Variants in GSTM3 observed in about 807,000 individuals in gnomAD.
The protein encoded by GSTM3 is glutathione S-transferase mu 3, also known as GST class-mu 3.
In GSTM3, 34 loss-of-function variants were observed where a neutral mutation model predicts 36.1. That is an observed-to-expected ratio of 0.94 (90% CI 0.72 to 1.25). GSTM3 has a LOEUF of 1.25. GSTM3 is among the 50% of genes most tolerant of loss of function. The probability of loss-of-function intolerance (pLI) is 0.00; values close to 1 mark genes in which losing one functional copy is unlikely to be tolerated. For missense variants in GSTM3, 266 were observed against 281.6 expected (o/e 0.94, Z 0.40); for synonymous variants, 102 against 99.5 (o/e 1.03, Z -0.15).
rs1000122012 is a variant in GSTM3, at chr1:109,740,224, T to C, written c.48+16A>G. ...TCTCTTTGACCGAGCGGCTCTACCG[T>C]TGAGACGGCACTCACCCCACGAATA... On this transcript the variant is annotated intron_variant, in intron 2 of 8. Transcript: ENST00000361066. 6 of 1,611,044 alleles carry C rather than the reference T, an allele frequency of 3.7e-6. No individual in the cohort carries two copies. Among genetic ancestry groups the C allele is most frequent in the Non-Finnish European group, 5.1e-6 (6 of 1,177,564 alleles).
chr1:109,737,719 T>C lies in GSTM3; in HGVS notation c.405A>G (p.Leu135=). The C allele has an allele frequency of 1.9e-6, 3 of 1,608,378 alleles. No homozygotes were observed. Among genetic ancestry groups the C allele is most frequent in the Non-Finnish European group, 2.5e-6 (3 of 1,176,858 alleles). The change falls in exon 7 of 9, where the codon CTA becomes CTG. Residue 135 remains leucine (L), a synonymous_variant. Transcript: ENST00000361066. ...EKLKPQYLEE[L]PGQLKQFSMF... is the part of the protein sequence containing the mutation. ...TGGAGAATTGTTTCAGTTGTCCAGG[T>C]AGCTCTTCCAAGTACTGAGGCTTCA...
chr1:109,737,745 G>T lies in GSTM3; in HGVS notation c.379C>A (p.Leu127Met), dbSNP rs758016765. The T allele has an allele frequency of 6.3e-7, 1 of 1,578,070 alleles. No individual in the cohort carries two copies. The highest frequency in any genetic ancestry group is 8.7e-7 in the Non-Finnish European group (1 of 1,156,028). Residue 127 changes from leucine to methionine, a missense_variant, in exon 7 of 9, where the codon CTG (leucine) becomes ATG (methionine). Transcript: ENST00000361066. ...AGCTCTTCCAAGTACTGAGGCTTCA[G>T]TTTTTCCTGAGAGGAAAAAACAGAA... ...RLCYSSDHEK[L>M]KPQYLEELPG...
At chr1:109,740,062 G>A in intron 2 of GSTM3, 154 bp from the exon 3 acceptor site, 3 of 873,490 alleles carry the variant, frequency 3.4e-6, no homozygotes, top group Non-Finnish European at 3.6e-6. Context: ...GGTCTCCTCC[G>A]CCCCTCCCCA....
In GSTM3 at chr1:109,738,066, G is replaced by T. The variant is rs149592030; in HGVS notation, c.372+25C>A. On this transcript the variant is annotated intron_variant, in intron 6 of 8. Coordinates refer to ENST00000361066, the MANE Select transcript of GSTM3 (RefSeq NM_000849.5). ...ACCCCTTTTTCTGATACTCCATTCAGCAGATGTGTGCTAAGGAAACTCACG... is the reference window on the plus strand; with the variant it reads ...ACCCCTTTTTCTGATACTCCATTCATCAGATGTGTGCTAAGGAAACTCACG... 6.0e-5 allele frequency: 88 copies of T among 1,458,078 alleles called. No homozygotes were observed. In the African/African-American group the frequency reaches 1.1e-3, roughly 19 times the overall value. 90.3% of individuals were successfully genotyped at this position (1,458,078 alleles called of 1,614,324 possible).
At position 109,740,269 on chromosome 1, in the gene GSTM3, T is replaced by C. The variant is rs67174253; in HGVS notation, c.19A>G (p.Met7Val). MSCESSMVLGYWDIRGL... is the reference protein window; with the variant it reads MSCESSVVLGYWDIRGL... ...CGAATATCCCAGTACCCGAGAACCA[T>C]AGACGACTCGCACGACATGGTGACG... is the stretch of plus-strand genomic sequence containing the variant. The change falls in exon 2 of 9, where the codon ATG becomes GTG. Residue 7 changes from methionine (M) to valine (V), a missense_variant. Transcript: ENST00000361066. The C allele has an allele frequency of 6.8e-5, 110 of 1,613,584 alleles. No homozygotes were observed. The African/African-American group carries it at 7.9e-4, about 12-fold the overall frequency.
In GSTM3 at chr1:109,737,764, A is replaced by T; in HGVS notation, c.373-13T>A. 1 of 1,475,584 alleles carries T rather than the reference A, an allele frequency of 6.8e-7. No individual in the cohort carries two copies. Among genetic ancestry groups the T allele is most frequent in the Non-Finnish European group, 9.4e-7 (1 of 1,064,484 alleles). The allele number at this position is 1,475,584 out of a possible 1,614,324, so 91.4% of individuals were successfully genotyped here. ...GCTTCAGTTTTTCCTGAGAGGAAAAAACAGAATGAGAATAGTGGTGATCAT... is the reference window on the plus strand; with the variant it reads ...GCTTCAGTTTTTCCTGAGAGGAAAATACAGAATGAGAATAGTGGTGATCAT... On this transcript the variant is annotated splice_polypyrimidine_tract_variant and intron_variant, in intron 6 of 8. Transcript: ENST00000361066.
rs1446885817 is a variant in GSTM3 at position 109,736,829 on chromosome 1, T to C, written c.*242A>G. On this transcript the variant is annotated 3_prime_UTR_variant, in exon 9 of 9. Coordinates refer to ENST00000361066, the MANE Select transcript of GSTM3 (RefSeq NM_000849.5). ...TTTTCTAGTACCCACTCTCAGGGCT[T>C]GGGCATGAACCTACAGCCCTTGAAC... 6.5e-6 allele frequency: 3 copies of C among 463,964 alleles called. No individual in the cohort carries two copies. Among genetic ancestry groups the C allele is most frequent in the Non-Finnish European group, 1.2e-5 (3 of 257,976 alleles). 28.7% of individuals were successfully genotyped at this position (463,964 alleles called of 1,614,324 possible).
intron 2 of GSTM3, 124 bp from the exon 3 acceptor site, chr1:109,740,032 C>T: frequency 2.1e-6 from 2 of 933,578 alleles, no homozygotes; most frequent in Non-Finnish European, 3.3e-6. Context: ...TTAAGCGGCC[C>T]CTAGGCCCGG....
rs1276223026 is a variant in GSTM3 at position 109,736,295 on chromosome 1, CATTT to C, written c.*772_*775del. The C allele has an allele frequency of 2.2e-4, 33 of 152,156 alleles. No homozygotes were observed. Among genetic ancestry groups the C allele is most frequent in the African/African-American group, 7.7e-4 (32 of 41,506 alleles). The allele number at this position is 152,156 out of a possible 1,614,324, so 9.4% of individuals were successfully genotyped here. A position where few individuals can be genotyped will look rare whatever the true frequency, so the allele number is the denominator to read the frequency against. On this transcript the variant is annotated 3_prime_UTR_variant, in exon 9 of 9. Transcript: ENST00000361066. ...TACTAGTGCTTTTTGTCTCACTTGTCATTTATTTGTGGGTGCCTTAGGAAAAGTT... is the reference window on the plus strand; with the variant it reads ...TACTAGTGCTTTTTGTCTCACTTGTCATTTGTGGGTGCCTTAGGAAAAGTT...
At chr1:109,738,244 A>ACT in intron 5 of GSTM3, 41 bp downstream of exon 5, 1 of 1,601,498 alleles carries the variant, frequency 6.2e-7, no homozygotes, top group Non-Finnish European at 8.6e-7. Context: ...TCTCAGACAA[A>ACT]CTACCAGCCT....
intron 2 of GSTM3, 88 bp from the exon 3 acceptor site, chr1:109,739,996 G>T: frequency 8.9e-7 from 1 of 1,121,020 alleles, no homozygotes; most frequent in Non-Finnish European, 1.3e-6. Context: ...GGGCTGCCGA[G>T]TCCCTGCGTC....
chr1:109,738,070 A>G (rs950688511), intron 6 of GSTM3, 21 bp downstream of exon 6: 4 of 1,495,664 alleles, frequency 2.7e-6, no homozygotes, highest in Non-Finnish European at 3.7e-6. Context: ...CATTCAGCAG[A>G]TGTGTGCTAA....
rs1209442187 is a variant in GSTM3, at chr1:109,735,483, G to C, written c.*1588C>G. On this transcript the variant is annotated 3_prime_UTR_variant, in exon 9 of 9. Coordinates refer to ENST00000361066, the MANE Select transcript of GSTM3 (RefSeq NM_000849.5). Reference sequence around the variant, plus strand: ...AGCAACCACACCTGGCCTGTTTTGGGGATCTTTGCATGTTAGTTCACACAG... The same window carrying C: ...AGCAACCACACCTGGCCTGTTTTGGCGATCTTTGCATGTTAGTTCACACAG... 6.6e-6 allele frequency: 1 copy of C among 152,024 alleles called. No individual in the cohort carries two copies. The highest frequency in any genetic ancestry group is 1.5e-5 in the Non-Finnish European group (1 of 68,054). 9.4% of individuals were successfully genotyped at this position (152,024 alleles called of 1,614,324 possible). A position where few individuals can be genotyped will look rare whatever the true frequency, so the allele number is the denominator to read the frequency against.
In GSTM3 at chr1:109,739,497, T is replaced by C. The variant is rs1483574347; in HGVS notation, c.125-4A>G. 6.2e-7 allele frequency: 1 copy of C among 1,610,522 alleles called. No homozygotes were observed. Reference sequence around the variant, plus strand: ...TGGCTTCGATCATAGTCAGGAGCTGTAAGAGACGGAATTAAGTGGGACCCA... The same window carrying C: ...TGGCTTCGATCATAGTCAGGAGCTGCAAGAGACGGAATTAAGTGGGACCCA... On this transcript the variant is annotated splice_polypyrimidine_tract_variant and splice_region_variant and intron_variant, in intron 3 of 8. Coordinates refer to ENST00000361066, the MANE Select transcript of GSTM3 (RefSeq NM_000849.5).
rs1205450943 is a variant in GSTM3 at position 109,736,564 on chromosome 1, G to C, written c.*507C>G. 3 of 152,238 alleles carry C rather than the reference G, an allele frequency of 2.0e-5. No individual in the cohort carries two copies. Among genetic ancestry groups the C allele is most frequent in the Non-Finnish European group, 4.4e-5 (3 of 68,098 alleles). 9.4% of individuals were successfully genotyped at this position (152,238 alleles called of 1,614,324 possible). On this transcript the variant is annotated 3_prime_UTR_variant, in exon 9 of 9. Transcript: ENST00000361066. ...AATTCCAGATTAATTTTAGTGAATAGTGTCAAGTGGGGCTCTATTATTTTT... is the reference window on the plus strand; with the variant it reads ...AATTCCAGATTAATTTTAGTGAATACTGTCAAGTGGGGCTCTATTATTTTT...
At chr1:109,737,256 G>A (rs981695507) in intron 8 of GSTM3, 87 bp from the exon 9 acceptor site, 6 of 957,892 alleles carry the variant, frequency 6.3e-6, no homozygotes, top group Non-Finnish European at 1.0e-5. Context: ...CGTGTTGCCT[G>A]CGTCTACCTC....
intron 1 of GSTM3, among the ~76,000 whole-genome samples, 186 bp downstream of exon 1, chr1:109,740,767 C>T (rs1221577735): frequency 1.3e-5 from 2 of 152,216 alleles, no homozygotes. Flanking sequence ...AGATTCCCCA[C>T]AGACCAAGCT....
intron 4 of GSTM3, among the ~76,000 whole-genome samples, chr1:109,739,125 C>T (rs761423898): frequency 1.1e-4 from 16 of 152,034 alleles, no homozygotes; most frequent in Non-Finnish European, 2.1e-4. Flanking sequence ...TGTCTCAAAA[C>T]AAAAGAACAA....
chr1:109,740,106 C>T, intron 2 of GSTM3, 134 bp downstream of exon 2: 3 of 942,872 alleles, frequency 3.2e-6, no homozygotes, highest in Non-Finnish European at 5.0e-6. Flanking sequence ...GGGCAGGGGT[C>T]GACATCCGTG....
Sources: gnomAD v4.1 joint callset for allele counts (sites outside exome capture counted in the v4.1 genomes callset) on GRCh38, gnomAD v4.1.1 for gene constraint, MANE v1.5 for transcripts, NCBI Gene and HGNC (gene_info 2026-07-23, HGNC 2026-07-21) for gene names.